RBM47: variants seen among roughly 807,000 people sequenced by gnomAD.
The protein encoded by RBM47 is RNA-binding protein 47.
In RBM47, 21 loss-of-function variants were observed where a neutral mutation model predicts 47.1. That is an observed-to-expected ratio of 0.45 (90% CI 0.32 to 0.64). The LOEUF (loss-of-function observed/expected upper bound fraction) is 0.64, where lower values mean the gene tolerates loss of function less well. Among genes scored for constraint, RBM47 ranks in the 30% least tolerant of loss-of-function variants. RBM47 has a pLI of 0.05. For missense variants in RBM47, 708 were observed against 870.9 expected, an observed-to-expected ratio of 0.81 and a Z score of 2.35; for synonymous variants, 375 against 361.7, an observed-to-expected ratio of 1.04 and a Z score of -0.42.
intron 1 of RBM47, among the ~76,000 whole-genome samples, chr4:40,555,644 T>C (rs546983068): frequency 5.1e-4 from 77 of 152,362 alleles, no homozygotes; most frequent in African/African-American, 1.7e-3. Flanking sequence ...ACACACCTAG[T>C]AACTGGCAAC....
chr4:40,505,165 G>C (rs1723921813), intron 2 of RBM47, among the ~76,000 whole-genome samples: 1 of 152,004 alleles, frequency 6.6e-6, no homozygotes, highest in Non-Finnish European at 1.5e-5. Flanking sequence ...ATTCCAGACT[G>C]GGTGACAAAG....
intron 6 of RBM47, among the ~76,000 whole-genome samples, chr4:40,431,125 T>C (rs1451881922): frequency 6.6e-6 from 1 of 152,110 alleles, no homozygotes; most frequent in Non-Finnish European, 1.5e-5. Context: ...CTTTTTCAAT[T>C]GGATAAGGGA....
intron 2 of RBM47, among the ~76,000 whole-genome samples, chr4:40,489,701 C>T (rs1261061291): frequency 1.3e-5 from 2 of 151,964 alleles, no homozygotes; most frequent in African/African-American, 4.8e-5. Flanking sequence ...AAAGAAAAGC[C>T]CAAGAACAGA....
intron 1 of RBM47, among the ~76,000 whole-genome samples, chr4:40,595,306 C>T (rs1734645708): frequency 6.6e-6 from 1 of 151,864 alleles, no homozygotes; most frequent in African/African-American, 2.4e-5. Context: ...ACCAGCCTGA[C>T]CAACAAGGTG....
intron 2 of RBM47, among the ~76,000 whole-genome samples, chr4:40,511,685 G>C (rs796187827): frequency 6.6e-5 from 10 of 152,334 alleles, no homozygotes; most frequent in African/African-American, 2.4e-4. Context: ...GCTGGGCACA[G>C]GGGCTCAAGC....
intron 1 of RBM47, among the ~76,000 whole-genome samples, chr4:40,625,159 T>C (rs1020938113): frequency 3.3e-5 from 5 of 152,172 alleles, no homozygotes; most frequent in Non-Finnish European, 5.9e-5. Context: ...AAGCCATCTT[T>C]TTAAAAGTCA....
intron 1 of RBM47, among the ~76,000 whole-genome samples, chr4:40,620,514 A>C (rs1015936670): frequency 6.6e-6 from 1 of 152,168 alleles, no homozygotes; most frequent in Admixed American, 6.5e-5. Context: ...TCAAAAAAAA[A>C]CAAAAAGTCT....
intron 2 of RBM47, among the ~76,000 whole-genome samples, chr4:40,498,128 G>C (rs1402854468): frequency 1.4e-5 from 2 of 145,772 alleles, no homozygotes; most frequent in African/African-American, 5.0e-5. Flanking sequence ...GCTGTTAGCA[G>C]ACCAACTTCA....
intron 3 of RBM47, among the ~76,000 whole-genome samples, chr4:40,463,588 T>C (rs144913839): frequency 1.3e-5 from 2 of 152,196 alleles, no homozygotes; most frequent in African/African-American, 4.8e-5. Context: ...AATGTAGGCC[T>C]CACATATCTT....
chr4:40,600,750 G>A (rs1401334786), intron 1 of RBM47, among the ~76,000 whole-genome samples: 2 of 151,738 alleles, frequency 1.3e-5, no homozygotes, highest in Admixed American at 6.6e-5. Context: ...ACTTTGGGAG[G>A]CCAAGGCGGG....
intron 3 of RBM47, among the ~76,000 whole-genome samples, chr4:40,449,530 C>A (rs1715077935): frequency 6.6e-6 from 1 of 152,200 alleles, no homozygotes. Flanking sequence ...TCAACACACA[C>A]CTGAGAATGC....
intron 1 of RBM47, among the ~76,000 whole-genome samples, chr4:40,555,771 T>C (rs941460976): frequency 2.0e-5 from 3 of 152,278 alleles, no homozygotes; most frequent in African/African-American, 7.2e-5. Context: ...TCCTCAACTG[T>C]TTTTCTGATG....
Position 40,560,366 on chromosome 4 carries a change from C to T in RBM47, c.-239-15860G>A, listed in dbSNP as rs192746277. The stretch of plus-strand genomic sequence containing the variant: ...AAGGCACAGGTGTTTGAGGAATGAG[C>T]ATGTGCATGGCCCAGCACTTTCTTA... On this transcript the variant is annotated intron_variant, in intron 1 of 6. Transcript: ENST00000295971. Among the ~76,000 whole-genome samples, 670 of 152,316 alleles carry T rather than the reference C, an allele frequency of 4.4e-3. 4 individuals carry two copies. Among genetic ancestry groups the T allele is most frequent in the Non-Finnish European group, 6.8e-3 (461 of 68,034 alleles).
At chr4:40,595,442 C>T (rs1284244490) in intron 1 of RBM47, among the ~76,000 whole-genome samples, 2 of 148,682 alleles carry the variant, frequency 1.3e-5, no homozygotes, top group South Asian at 2.2e-4. Context: ...TGCAGTGAGC[C>T]GAGATTGCAC....
intron 1 of RBM47, among the ~76,000 whole-genome samples, chr4:40,569,441 G>A (rs1446041297): frequency 1.3e-5 from 2 of 149,908 alleles, no homozygotes; most frequent in East Asian, 1.9e-4. Flanking sequence ...ACGGAGTCTG[G>A]CTCTGTCGCC....
chr4:40,486,813 T>C (rs570178628), intron 2 of RBM47, among the ~76,000 whole-genome samples: 1 of 152,342 alleles, frequency 6.6e-6, no homozygotes, highest in Admixed American at 6.5e-5. Flanking sequence ...ACATCCTGTT[T>C]AATAACAAAG....
At chr4:40,451,184 CAA>C (rs958122281) in intron 3 of RBM47, among the ~76,000 whole-genome samples, 4,313 of 51,134 alleles carry the variant, frequency 0.084, 136 homozygotes, top group East Asian at 0.23. Context: ...CAGTAGCTAC[CAA>C]AAAAAAAAAA....
At chr4:40,447,986 G>A (rs368390245) in intron 3 of RBM47, among the ~76,000 whole-genome samples, 21 of 152,180 alleles carry the variant, frequency 1.4e-4, no homozygotes, top group African/African-American at 4.3e-4. Flanking sequence ...ACTCCAGCCC[G>A]GGTGACAAAG....
At chr4:40,538,134 C>G (rs1337209419) in intron 2 of RBM47, among the ~76,000 whole-genome samples, 1 of 152,070 alleles carries the variant, frequency 6.6e-6, no homozygotes, top group African/African-American at 2.4e-5. Context: ...GGCTCCATAC[C>G]TAAATTAACA....
Sources: allele counts gnomAD v4.1 joint callset (sites outside exome capture counted in the v4.1 genomes callset), GRCh38; gene constraint gnomAD v4.1.1; transcripts MANE v1.5; gene names NCBI Gene and HGNC (gene_info 2026-07-23, HGNC 2026-07-21).